Variants in TRPM3 observed in about 807,000 individuals in gnomAD.
The protein encoded by TRPM3 is long transient receptor potential channel 3.
A neutral mutation model predicts 181.2 loss-of-function variants in TRPM3; 77 were observed. That is an observed-to-expected ratio of 0.42 (90% CI 0.35 to 0.51). The LOEUF is 0.51. Ranked by LOEUF, TRPM3 falls within the 20% of genes least tolerant of loss-of-function variation. The pLI is 0.01. For missense variants in TRPM3, 1,759 were observed against 2,196.7 expected (o/e 0.80, Z 3.98); for synonymous variants, 745 against 796.4 (o/e 0.94, Z 1.09).
intron 1 of TRPM3, among the ~76,000 whole-genome samples, chr9:70,912,719 G>A (rs2096550503): frequency 6.6e-6 from 1 of 152,110 alleles, no homozygotes; most frequent in Non-Finnish European, 1.5e-5. Flanking sequence ...CACAATACAT[G>A]ATGAGAAGAG....
chr9:70,631,969 A>G (rs2065936704), intron 12 of TRPM3, among the ~76,000 whole-genome samples: 1 of 152,192 alleles, frequency 6.6e-6, no homozygotes, highest in Non-Finnish European at 1.5e-5. Context: ...ATCAAACACT[A>G]TGCTTAAGGT....
intron 1 of TRPM3, among the ~76,000 whole-genome samples, chr9:70,989,985 T>C (rs2097461306): frequency 6.6e-6 from 1 of 152,154 alleles, no homozygotes. Flanking sequence ...TGTTTAACTG[T>C]CATAACATTT....
At chr9:70,607,615 C>CATAAG (rs140909615) in intron 19 of TRPM3, among the ~76,000 whole-genome samples, 2,586 of 152,270 alleles carry the variant, frequency 0.017, 72 homozygotes, top group African/African-American at 0.056. Context: ...TGTCTCCAAT[C>CATAAG]ATAAGATTCG....
chr9:71,296,396 A>T (rs1475455550), intron 1 of TRPM3, among the ~76,000 whole-genome samples: 1 of 152,168 alleles, frequency 6.6e-6, no homozygotes, highest in South Asian at 2.1e-4. Flanking sequence ...GCAATGGAGG[A>T]TTTCCTCTCT....
intron 1 of TRPM3, among the ~76,000 whole-genome samples, chr9:70,870,434 C>T (rs1177572558): frequency 1.3e-5 from 2 of 151,952 alleles, no homozygotes; most frequent in African/African-American, 2.4e-5. Flanking sequence ...GGAGGAAGTC[C>T]CTTTGCCTGT....
At chr9:71,052,841 T>A (rs1372850803) in intron 1 of TRPM3, among the ~76,000 whole-genome samples, 3 of 152,068 alleles carry the variant, frequency 2.0e-5, no homozygotes, top group Non-Finnish European at 4.4e-5. Context: ...CAAGTAAAAT[T>A]AACTTCCTGA....
chr9:70,890,780 C>T (rs1039441726), intron 1 of TRPM3, among the ~76,000 whole-genome samples: 1 of 151,850 alleles, frequency 6.6e-6, no homozygotes, highest in African/African-American at 2.4e-5. Flanking sequence ...GCTCCGTAAA[C>T]AGGAAAAAAC....
intron 1 of TRPM3, among the ~76,000 whole-genome samples, chr9:71,293,311 G>T (rs930197060): frequency 6.6e-6 from 1 of 151,606 alleles, no homozygotes. Flanking sequence ...CTAGATAAAA[G>T]ATAACACATA....
At position 70,788,355 on chromosome 9, in the gene TRPM3, ATC is replaced by A. The variant is rs1306205164; in HGVS notation, c.974-4078_974-4077del. On this transcript the variant is annotated intron_variant, in intron 6 of 25. Transcript: ENST00000677713. ...GCACATTGATACATCTGCAAAGGGCATCTGTTTGTGTTGTTTTGTGAAACTCA... is the reference window on the plus strand; with the variant it reads ...GCACATTGATACATCTGCAAAGGGCATGTTTGTGTTGTTTTGTGAAACTCA... Among the ~76,000 whole-genome samples the A allele has an allele frequency of 5.3e-5, 8 of 152,046 alleles. No individual in the cohort carries two copies. In the East Asian group the frequency reaches 1.4e-3, roughly 26 times the overall value.
chr9:71,387,701 C>A (rs1292423888), intron 1 of TRPM3, among the ~76,000 whole-genome samples: 1 of 152,090 alleles, frequency 6.6e-6, no homozygotes, highest in Non-Finnish European at 1.5e-5. Context: ...ATATCGCATT[C>A]ACAATGCCTA....
chr9:70,834,754 G>A (rs529797464), intron 5 of TRPM3, among the ~76,000 whole-genome samples: 1 of 152,234 alleles, frequency 6.6e-6, no homozygotes, highest in African/African-American at 2.4e-5. Context: ...CCCTCAGATG[G>A]TGCAGCCCCA....
chr9:71,036,106 C>T (rs912828991), intron 1 of TRPM3, among the ~76,000 whole-genome samples: 5 of 148,632 alleles, frequency 3.4e-5, no homozygotes, highest in South Asian at 2.1e-4. Flanking sequence ...GTTTTAAAGT[C>T]TCTATCTTCT....
At chr9:71,206,734 C>T (rs2079148137) in intron 1 of TRPM3, among the ~76,000 whole-genome samples, 1 of 152,044 alleles carries the variant, frequency 6.6e-6, no homozygotes, top group Non-Finnish European at 1.5e-5. Flanking sequence ...ACATTGAAGC[C>T]TTTAATCCAT....
rs147858737 is a variant in TRPM3 at position 71,441,137 on chromosome 9, G to A, written c.183+5516C>T. ...AATTTTTAATTCACTGTGATGAGGA[G>A]GAGGAGCTTGTTGGTTGTTATATTA... On this transcript the variant is annotated intron_variant, in intron 1 of 24. Coordinates refer to the TRPM3 transcript ENST00000357533. Among the ~76,000 whole-genome samples the A allele has an allele frequency of 8.6e-4, 131 of 152,246 alleles. 1 individual carries two copies. The East Asian group carries it at 0.021, about 25-fold the overall frequency.
intron 22 of TRPM3, among the ~76,000 whole-genome samples, chr9:70,583,656 A>G (rs1324665848): frequency 6.6e-6 from 1 of 152,240 alleles, no homozygotes; most frequent in African/African-American, 2.4e-5. Flanking sequence ...CAATTTCAAA[A>G]GGAGAGCCTC....
chr9:70,596,216 C>CAA (rs1802575362), intron 21 of TRPM3, among the ~76,000 whole-genome samples: 2 of 151,918 alleles, frequency 1.3e-5, no homozygotes, highest in South Asian at 2.1e-4. Flanking sequence ...ACAAGTAAAC[C>CAA]AAGTCTCAAA....
chr9:71,241,416 T>C (rs968173582), intron 1 of TRPM3, among the ~76,000 whole-genome samples: 1 of 148,024 alleles, frequency 6.8e-6, no homozygotes, highest in Non-Finnish European at 1.5e-5. Flanking sequence ...AAACATCGCA[T>C]GTTCTCACTC....
At chr9:71,375,472 T>G (rs2092643242) in intron 1 of TRPM3, among the ~76,000 whole-genome samples, 1 of 152,118 alleles carries the variant, frequency 6.6e-6, no homozygotes, top group Admixed American at 6.5e-5. Flanking sequence ...GGGCAAAGAT[T>G]TCATGATGAA....
At chr9:70,539,520 A>G (rs2042712273) in intron 25 of TRPM3, among the ~76,000 whole-genome samples, 1 of 148,984 alleles carries the variant, frequency 6.7e-6, no homozygotes, top group African/African-American at 2.5e-5. Context: ...AACCAACCCA[A>G]TGCATCTCAG....
Sources: allele counts gnomAD v4.1 joint callset (sites outside exome capture counted in the v4.1 genomes callset), GRCh38; gene constraint gnomAD v4.1.1; transcripts MANE v1.5; gene names NCBI Gene and HGNC (gene_info 2026-07-23, HGNC 2026-07-21).